IFT56: variants seen among roughly 807,000 people sequenced by gnomAD.
IFT56 encodes intraflagellar transport 56.
At chr7:139,189,251 C>G in the IFT56 span, 2 of 1,173,988 alleles carry the variant, frequency 1.7e-6, no homozygotes, top group Non-Finnish European at 2.5e-6. Context: ...AAGGACAGTT[C>G]AGAGTTTATT....
At chr7:139,189,670 C>T in the IFT56 span, 1 of 300,344 alleles carries the variant, frequency 3.3e-6, no homozygotes. Flanking sequence ...TATCTGGTGC[C>T]TTTCTTCCAA....
chr7:139,189,342 C>G, the IFT56 span: 1 of 1,611,306 alleles, frequency 6.2e-7, no homozygotes, highest in Non-Finnish European at 8.5e-7. Context: ...GAGAAGTGCT[C>G]CATTTACTGA....
chr7:139,187,649 T>A, the IFT56 span: 3 of 1,368,152 alleles, frequency 2.2e-6, no homozygotes, highest in Non-Finnish European at 3.0e-6. Flanking sequence ...TAATGATGTT[T>A]TAGAATGATG....
the IFT56 span, chr7:139,134,741 A>G: frequency 3.1e-6 from 5 of 1,614,150 alleles, no homozygotes; most frequent in South Asian, 1.1e-5. Flanking sequence ...TTCCAAAACT[A>G]GAGGAGCTAC....
At chr7:139,148,172 T>C in the IFT56 span, 3 of 1,567,584 alleles carry the variant, frequency 1.9e-6, no homozygotes, top group East Asian at 4.5e-5. Context: ...TGAAGTAGAC[T>C]TAAATGGTTA....
chr7:139,191,819 G>A, the IFT56 span: 1 of 152,090 alleles, frequency 6.6e-6, no homozygotes, highest in Non-Finnish European at 1.5e-5. Context: ...CCCAGACTTA[G>A]GCATGTAGTG....
the IFT56 span, chr7:139,134,505 G>C: frequency 1.3e-6 from 1 of 750,068 alleles, no homozygotes; most frequent in Non-Finnish European, 2.0e-6. Context: ...TCCTGACCTC[G>C]TGATCCGCCG....
At chr7:139,180,343 G>T in the IFT56 span, among the ~76,000 whole-genome samples, 2 of 141,760 alleles carry the variant, frequency 1.4e-5, no homozygotes, top group Admixed American at 6.9e-5. Context: ...CTCAAAAAAA[G>T]AAAAAAAAAA....
the IFT56 span, among the ~76,000 whole-genome samples, chr7:139,159,365 T>C: frequency 6.6e-6 from 1 of 152,188 alleles, no homozygotes; most frequent in African/African-American, 2.4e-5. Context: ...ATTTTCACAG[T>C]TTTTTAGTCT....
chr7:139,170,670 C>T, the IFT56 span, among the ~76,000 whole-genome samples: 14 of 152,100 alleles, frequency 9.2e-5, no homozygotes, highest in East Asian at 2.1e-3. Context: ...GATAAAAATC[C>T]CCCCAAAAAC....
the IFT56 span, chr7:139,173,066 G>A: frequency 1.7e-4 from 126 of 732,068 alleles, no homozygotes; most frequent in Non-Finnish European, 2.8e-4. Context: ...TCAGCTTTGC[G>A]CCTTTTGTGG....
the IFT56 span, among the ~76,000 whole-genome samples, chr7:139,178,916 A>G: frequency 6.6e-6 from 1 of 152,192 alleles, no homozygotes; most frequent in Non-Finnish European, 1.5e-5. Context: ...AAAAATTACA[A>G]TGTGAATAGA....
At chr7:139,170,106 C>A in the IFT56 span, among the ~76,000 whole-genome samples, 1 of 152,090 alleles carries the variant, frequency 6.6e-6, no homozygotes, top group African/African-American at 2.4e-5. Context: ...AATTGGAAAA[C>A]CTAGAAGAAA....
At chr7:139,174,025 CT>C in the IFT56 span, 4 of 618,214 alleles carry the variant, frequency 6.5e-6, no homozygotes, top group Admixed American at 2.0e-5. Flanking sequence ...ATGAGGAGGC[CT>C]TTTAAGACAG....
At chr7:139,187,660 A>ATATT in the IFT56 span, 5 of 1,268,882 alleles carry the variant, frequency 3.9e-6, no homozygotes, top group Non-Finnish European at 5.4e-6. Context: ...TAGAATGATG[A>ATATT]AAAAAAGGTT....
At chr7:139,167,693 C>A in the IFT56 span, among the ~76,000 whole-genome samples, 1 of 152,058 alleles carries the variant, frequency 6.6e-6, no homozygotes, top group African/African-American at 2.4e-5. Context: ...AGTCCCAGCA[C>A]TTTGGGAGGC....
At chr7:139,179,482 A>T in the IFT56 span, 1 of 994,674 alleles carries the variant, frequency 1.0e-6, no homozygotes, top group Non-Finnish European at 1.6e-6. Context: ...CTATAATGCT[A>T]CAGTGATCAT....
At chr7:139,139,888 A>G in the IFT56 span, 1 of 1,602,034 alleles carries the variant, frequency 6.2e-7, no homozygotes, top group Non-Finnish European at 8.5e-7. Flanking sequence ...TATATATTTC[A>G]GGAATACGAA....
At chr7:139,174,319 C>A in the IFT56 span, 4 of 553,930 alleles carry the variant, frequency 7.2e-6, no homozygotes, top group Non-Finnish European at 1.5e-5. Context: ...CTGGGCCACA[C>A]TGGAGGAGAG....
Sources: gnomAD v4.1 joint callset for allele counts (sites outside exome capture counted in the v4.1 genomes callset) on GRCh38, gnomAD v4.1.1 for gene constraint, MANE v1.5 for transcripts, NCBI Gene and HGNC (gene_info 2026-07-23, HGNC 2026-07-21) for gene names.